PASD1: variants seen among roughly 807,000 people sequenced by gnomAD.
PASD1 encodes the protein circadian clock protein PASD1.
In PASD1, 13 loss-of-function variants were observed where a neutral mutation model predicts 58.8. The ratio of observed to expected loss-of-function variants is 0.22; its 90% CI spans 0.14 to 0.35. The LOEUF is 0.35. Ranked by LOEUF, PASD1 falls within the 10% of genes least tolerant of loss-of-function variation. The probability of loss-of-function intolerance (pLI) is 1.00; values close to 1 mark genes in which losing one functional copy is unlikely to be tolerated. For synonymous variants in PASD1, 236 were observed against 216.7 expected, an observed-to-expected ratio of 1.09 and a Z score of -0.78; for missense variants, 734 against 568.3, an observed-to-expected ratio of 1.29 and a Z score of -2.96.
At chrX:151,622,586 T>TACACACACACACAC (rs202044764) in intron 6 of PASD1, among the ~76,000 whole-genome samples, 1,408 of 96,752 alleles carry the variant, frequency 0.015, 14 homozygotes, top group African/African-American at 0.036. Flanking sequence ...GTGCACAGAT[T>TACACACACACACAC]ACACACACAC....
In PASD1 at chrX:151,676,287, T is replaced by TATGTTTGTA; in HGVS notation, c.*147_*155dup. On this transcript the variant is annotated 3_prime_UTR_variant, in exon 16 of 16. Transcript: ENST00000370357. The stretch of plus-strand genomic sequence containing the variant: ...GAGACTTATTTGTTTCCTGATAGGT[T>TATGTTTGTA]ATGTTTGTAATTGTTTGTTAAGCAC... The TATGTTTGTA allele has an allele frequency of 1.6e-6, 1 of 607,497 alleles. No homozygotes were observed. Among genetic ancestry groups the TATGTTTGTA allele is most frequent in the Non-Finnish European group, 2.4e-6 (1 of 409,536 alleles). 50.1% of individuals were successfully genotyped at this position (607,497 alleles called of 1,213,427 possible). A position where few individuals can be genotyped will look rare whatever the true frequency, so the allele number is the denominator to read the frequency against.
chrX:151,569,055 C>T (rs1276283808), intron 1 of PASD1, among the ~76,000 whole-genome samples: 1 of 111,563 alleles, frequency 9.0e-6, no homozygotes, highest in Non-Finnish European at 1.9e-5. Flanking sequence ...TTGCAATTCC[C>T]CCTACTTAAG....
At chrX:151,603,828 GC>G (rs1234076926) in intron 2 of PASD1, among the ~76,000 whole-genome samples, 1 of 111,979 alleles carries the variant, frequency 8.9e-6, no homozygotes, top group East Asian at 2.8e-4. Flanking sequence ...TGTCAAGAAA[GC>G]AATAGCCACT....
At chrX:151,621,890 C>G (rs888641756) in intron 6 of PASD1, among the ~76,000 whole-genome samples, 1 of 109,122 alleles carries the variant, frequency 9.2e-6, no homozygotes, top group African/African-American at 3.3e-5. Context: ...CTCTGTGGGT[C>G]TATGTGTACC....
At chrX:151,626,108 C>G (rs1391683416) in intron 8 of PASD1, among the ~76,000 whole-genome samples, 5 of 111,881 alleles carry the variant, frequency 4.5e-5, no homozygotes, top group African/African-American at 1.6e-4. Context: ...GAAAACTTAA[C>G]TGACCCAGGC....
At chrX:151,580,172 T>C (rs1305525159) in intron 1 of PASD1, among the ~76,000 whole-genome samples, 2 of 112,381 alleles carry the variant, frequency 1.8e-5, no homozygotes, top group African/African-American at 6.5e-5. Flanking sequence ...AATTTATAAA[T>C]TTTGACCTTG....
intron 13 of PASD1, 50 bp from the exon 14 acceptor site, chrX:151,672,133 G>A: frequency 8.9e-7 from 1 of 1,118,413 alleles, no homozygotes. Context: ...AAGTTTCTGG[G>A]AGGCTCTTGC....
rs193114614 is a variant in PASD1 at position 151,585,677 on chromosome X, G to A, written c.-27-15850G>A. 5.6e-3 allele frequency among the ~76,000 whole-genome samples: 625 copies of A among 111,413 alleles called. 6 individuals carry two copies. Among genetic ancestry groups the A allele is most frequent in the African/African-American group, 0.02 (600 of 30,648 alleles). On this transcript the variant is annotated intron_variant, in intron 1 of 15. Coordinates refer to ENST00000370357, the MANE Select transcript of PASD1 (RefSeq NM_173493.3). ...TCAGTTGGGCCCAAACCAGGGCAGA[G>A]AAGGAAGAGATGTTATGAAAATTGA...
chrX:151,661,801 G>A (rs1443746844), intron 10 of PASD1, among the ~76,000 whole-genome samples: 1 of 110,985 alleles, frequency 9.0e-6, no homozygotes, highest in African/African-American at 3.3e-5. Context: ...ATATGGGCCA[G>A]GTATTTGACA....
intron 8 of PASD1, among the ~76,000 whole-genome samples, chrX:151,646,672 T>C (rs1229747465): frequency 8.9e-6 from 1 of 112,696 alleles, no homozygotes; most frequent in Admixed American, 9.4e-5. Context: ...TTAGATTGCT[T>C]TTAAGCAACA....
rs1484943209 is a variant in PASD1 at position 151,673,847 on chromosome X, C to A, written c.1917-81C>A. 5 of 1,120,734 alleles carry A rather than the reference C, an allele frequency of 4.5e-6. No homozygotes were observed. The African/African-American group carries it at 7.2e-5, about 16-fold the overall frequency. 92.4% of individuals were successfully genotyped at this position (1,120,734 alleles called of 1,213,427 possible). ...CCACCAAAACCAAATGTGCCTGAAG[C>A]ACCTACTGATGACCACGTGAGTGTC... On this transcript the variant is annotated intron_variant, in intron 14 of 15. Coordinates refer to ENST00000370357, the MANE Select transcript of PASD1 (RefSeq NM_173493.3).
At chrX:151,668,006 A>G (rs113532225) in intron 11 of PASD1, among the ~76,000 whole-genome samples, 1 of 111,035 alleles carries the variant, frequency 9.0e-6, no homozygotes, top group African/African-American at 3.3e-5. Context: ...ATTCTTTCTC[A>G]TACCTGATTG....
chrX:151,626,152 T>G (rs35590845), intron 8 of PASD1, among the ~76,000 whole-genome samples: 24,530 of 111,520 alleles, frequency 0.22, 2,132 homozygotes, highest in Non-Finnish European at 0.27. Flanking sequence ...TAATGCATTT[T>G]AATATACTAC....
chrX:151,624,838 A>G (rs1018944552), intron 7 of PASD1, among the ~76,000 whole-genome samples: 3 of 112,012 alleles, frequency 2.7e-5, no homozygotes, highest in African/African-American at 9.7e-5. Context: ...GAAAAGTAGT[A>G]TAGAAGAAAG....
chrX:151,617,407 C>T (rs1455556636), intron 4 of PASD1, among the ~76,000 whole-genome samples: 1 of 111,467 alleles, frequency 9.0e-6, no homozygotes, highest in Non-Finnish European at 1.9e-5. Context: ...AGAATGTAGA[C>T]TATCAAAAGA....
intron 1 of PASD1, among the ~76,000 whole-genome samples, chrX:151,574,283 C>T (rs578032825): frequency 3.6e-5 from 4 of 112,315 alleles, no homozygotes; most frequent in African/African-American, 1.3e-4. Context: ...AGGAGTGGCT[C>T]CAGTTCATGT....
At chrX:151,625,357 G>A in intron 7 of PASD1, 91 bp from the exon 8 acceptor site, 3 of 592,782 alleles carry the variant, frequency 5.1e-6, no homozygotes, top group Admixed American at 3.2e-5. Flanking sequence ...TGTAACATTG[G>A]ATATGAGCAT....
chrX:151,615,429 AT>A (rs2013626005), intron 4 of PASD1, among the ~76,000 whole-genome samples: 1 of 111,609 alleles, frequency 9.0e-6, no homozygotes, highest in South Asian at 3.8e-4. Flanking sequence ...ATGTATAACT[AT>A]TACATTTGTA....
At chrX:151,653,569 G>T (rs1171753049) in intron 9 of PASD1, among the ~76,000 whole-genome samples, 1 of 110,330 alleles carries the variant, frequency 9.1e-6, no homozygotes, top group Non-Finnish European at 1.9e-5. Context: ...AGAGGAGTTA[G>T]GGATGACGTG....
Sources: allele counts gnomAD v4.1 joint callset (sites outside exome capture counted in the v4.1 genomes callset), GRCh38; gene constraint gnomAD v4.1.1; transcripts MANE v1.5; gene names NCBI Gene and HGNC (gene_info 2026-07-23, HGNC 2026-07-21).